Variants in ABI3BP observed in about 807,000 individuals in gnomAD.
The protein encoded by ABI3BP is ABI family member 3 binding protein, also known as target of Nesh-SH3.
In ABI3BP, 216 loss-of-function variants were observed where a neutral mutation model predicts 268.6. The ratio of observed to expected loss-of-function variants is 0.80; its 90% CI spans 0.72 to 0.90. The LOEUF (loss-of-function observed/expected upper bound fraction) is 0.90. Ranked by LOEUF, ABI3BP falls within the 40% of genes least tolerant of loss-of-function variation. ABI3BP has a pLI of 0.00. For missense variants in ABI3BP, 2,090 were observed against 2,182.4 expected (o/e 0.96, Z 0.84); for synonymous variants, 730 against 730.0 (o/e 1.00, Z 0.00).
rs139811323 is a variant in ABI3BP, at chr3:100,827,063, C to T, written c.2603-1219G>A. ...TGCAAATTGTGATGTGACTTCAAGA[C>T]CCAAATTCTTTCCTGGCTCTGTTGA... On this transcript the variant is annotated intron_variant, in intron 34 of 67. Coordinates refer to ENST00000471714, the MANE Select transcript of ABI3BP (RefSeq NM_001375547.2). Among the ~76,000 whole-genome samples, 646 of 152,216 alleles carry T rather than the reference C, an allele frequency of 4.2e-3. 6 individuals are homozygous for T. Among genetic ancestry groups the T allele is most frequent in the Non-Finnish European group, 6.5e-3 (442 of 68,006 alleles).
In ABI3BP at chr3:100,749,511, A is replaced by C; in HGVS notation, c.*984T>G. On this transcript the variant is annotated 3_prime_UTR_variant, in exon 68 of 68. Transcript: ENST00000471714. ...CCCGCCTAAAGGACAATACCTTTTT[A>C]ATAGAAATAAATGAGTTAGTTAGTT... is the stretch of plus-strand genomic sequence containing the variant. 1 of 395,690 alleles carries C rather than the reference A, an allele frequency of 2.5e-6. No individual in the cohort carries two copies. Among genetic ancestry groups the C allele is most frequent in the Non-Finnish European group, 4.4e-6 (1 of 224,766 alleles). The allele number at this position is 395,690 out of a possible 1,614,324, so 24.5% of individuals were successfully genotyped here.
At position 100,911,339 on chromosome 3, in the gene ABI3BP, A is replaced by T. The variant is rs539613779; in HGVS notation, c.260-8653T>A. On this transcript the variant is annotated intron_variant, in intron 2 of 67. Coordinates refer to ENST00000471714, the MANE Select transcript of ABI3BP (RefSeq NM_001375547.2). ...AATTCAGAATCTGGATAAAAGGTCCATAATGCTTGACCAGGAAAAATGTTC... is the reference window on the plus strand; with the variant it reads ...AATTCAGAATCTGGATAAAAGGTCCTTAATGCTTGACCAGGAAAAATGTTC... The T allele has an allele frequency of 3.6e-5, 10 of 276,914 alleles. No individual in the cohort carries two copies. The South Asian group carries it at 5.9e-4, about 16-fold the overall frequency. 17.2% of individuals were successfully genotyped at this position (276,914 alleles called of 1,614,324 possible).
chr3:100,832,369 G>C lies in ABI3BP; in HGVS notation c.2315-19C>G, dbSNP rs2098507805. 1 of 1,533,222 alleles carries C rather than the reference G, an allele frequency of 6.5e-7. No individual in the cohort carries two copies. Among genetic ancestry groups the C allele is most frequent in the Non-Finnish European group, 8.7e-7 (1 of 1,144,748 alleles). The allele number at this position is 1,533,222 out of a possible 1,614,324, so 95.0% of individuals were successfully genotyped here. ...GTTGGAGCTGAAGGAAGAAAATTTA[G>C]GATTAATATGGTGCTGATGGCTCCA... On this transcript the variant is annotated intron_variant, in intron 30 of 67. Coordinates refer to ENST00000471714, the MANE Select transcript of ABI3BP (RefSeq NM_001375547.2).
At chr3:100,799,130 C>T (rs2097445899) in intron 51 of ABI3BP, among the ~76,000 whole-genome samples, 1 of 152,172 alleles carries the variant, frequency 6.6e-6, no homozygotes, top group African/African-American at 2.4e-5. Flanking sequence ...TAAAAAAAAT[C>T]ATTTCCTTGA....
chr3:100,822,401 TCACAGTTGCTC>T (rs1342221427), intron 38 of ABI3BP, among the ~76,000 whole-genome samples, 177 bp downstream of exon 38: 1 of 152,210 alleles, frequency 6.6e-6, no homozygotes, highest in Non-Finnish European at 1.5e-5. Context: ...CATGAGGCAT[TCACAGTTGCTC>T]CACAGATCTC....
chr3:100,785,543 A>T (rs1239584759), intron 57 of ABI3BP, among the ~76,000 whole-genome samples: 3 of 152,210 alleles, frequency 2.0e-5, no homozygotes, highest in Non-Finnish European at 4.4e-5. Context: ...TGTTATCTAT[A>T]ATTTCTGAAT....
chr3:100,852,687 T>C (rs1378599836), intron 14 of ABI3BP, among the ~76,000 whole-genome samples: 1 of 152,208 alleles, frequency 6.6e-6, no homozygotes, highest in Non-Finnish European at 1.5e-5. Flanking sequence ...ACATGTTACC[T>C]AGAGGCAGCT....
chr3:100,951,062 A>T (rs2074769738), intron 1 of ABI3BP, among the ~76,000 whole-genome samples: 1 of 151,930 alleles, frequency 6.6e-6, no homozygotes, highest in Admixed American at 6.6e-5. Context: ...TATTTCCCAC[A>T]CCAGCATTAG....
intron 1 of ABI3BP, among the ~76,000 whole-genome samples, chr3:100,987,708 T>C (rs9853097): frequency 0.19 from 28,634 of 152,126 alleles, 2,804 homozygotes; most frequent in East Asian, 0.37. Flanking sequence ...TATGCAGCAA[T>C]AGATAGCTAA....
chr3:100,857,300 A>G (rs1238421619), intron 14 of ABI3BP, among the ~76,000 whole-genome samples: 1 of 152,196 alleles, frequency 6.6e-6, no homozygotes, highest in Non-Finnish European at 1.5e-5. Flanking sequence ...GCAAGATTTC[A>G]TTGTATTAAG....
In ABI3BP at chr3:100,811,230, C is replaced by A. The variant is rs2097854731; in HGVS notation, c.3541G>T (p.Glu1181Ter). ...AGGGTTGGGCTACCGAGGTTATTAC[C>A]TAGTGTGGTCTCAGGTGGTTCAGAT... The part of the protein sequence containing the change: ...YVSEPPETTL[E>*]TSPLPSQSIT... The change falls in exon 48 of 68, where the codon GAA becomes TAA. Residue 1181 changes from glutamate (E) to a stop codon, truncating the protein, a stop_gained and splice_region_variant. Transcript: ENST00000471714. LOFTEE classifies it high-confidence loss of function. 1 of 1,533,404 alleles carries A rather than the reference C, an allele frequency of 6.5e-7. No homozygotes were observed. Among genetic ancestry groups the A allele is most frequent in the African/African-American group, 1.4e-5 (1 of 72,918 alleles). The allele number at this position is 1,533,404 out of a possible 1,614,324, so 95.0% of individuals were successfully genotyped here. A position where few individuals can be genotyped will look rare whatever the true frequency, so the allele number is the denominator to read the frequency against.
intron 4 of ABI3BP, among the ~76,000 whole-genome samples, chr3:100,896,596 C>A (rs1179228107): frequency 6.6e-6 from 1 of 152,172 alleles, no homozygotes; most frequent in African/African-American, 2.4e-5. Flanking sequence ...TGTAAGACTA[C>A]AAAATTTCCT....
intron 2 of ABI3BP, among the ~76,000 whole-genome samples, chr3:100,908,891 G>A (rs2054847910): frequency 6.6e-6 from 1 of 152,108 alleles, no homozygotes; most frequent in Non-Finnish European, 1.5e-5. Flanking sequence ...TTTCTTCACG[G>A]AATTGGAAAA....
At chr3:100,804,131 G>T (rs377007996) in intron 51 of ABI3BP, among the ~76,000 whole-genome samples, 4 of 152,070 alleles carry the variant, frequency 2.6e-5, no homozygotes, top group Non-Finnish European at 5.9e-5. Flanking sequence ...AGTTACCAGC[G>T]GCTTCCTAAG....
intron 29 of ABI3BP, among the ~76,000 whole-genome samples, chr3:100,834,315 G>A (rs2098542421): frequency 6.6e-6 from 1 of 152,066 alleles, no homozygotes; most frequent in Non-Finnish European, 1.5e-5. Context: ...TCTCACACAG[G>A]TAAGTCATTT....
chr3:100,954,658 G>C (rs1471497499), intron 1 of ABI3BP, among the ~76,000 whole-genome samples: 1 of 152,146 alleles, frequency 6.6e-6, no homozygotes, highest in East Asian at 1.9e-4. Flanking sequence ...GACCAACCTA[G>C]ATCCAAATAG....
chr3:100,815,076 G>T (rs1317070400), intron 44 of ABI3BP, among the ~76,000 whole-genome samples: 1 of 152,102 alleles, frequency 6.6e-6, no homozygotes, highest in Non-Finnish European at 1.5e-5. Context: ...AACTGAGAGG[G>T]TTTAGGGAGT....
chr3:100,819,067 G>A (rs1196481283), intron 40 of ABI3BP, among the ~76,000 whole-genome samples: 1 of 152,126 alleles, frequency 6.6e-6, no homozygotes, highest in Non-Finnish European at 1.5e-5. Context: ...TCAGGATAAG[G>A]GACAAACATG....
At chr3:100,900,457 G>C (rs1422658972) in intron 3 of ABI3BP, among the ~76,000 whole-genome samples, 1 of 152,168 alleles carries the variant, frequency 6.6e-6, no homozygotes, top group Non-Finnish European at 1.5e-5. Flanking sequence ...CTCAAGTCCT[G>C]GGTCTCCTCA....
Sources: gnomAD v4.1 joint callset for allele counts (sites outside exome capture counted in the v4.1 genomes callset) on GRCh38, gnomAD v4.1.1 for gene constraint, MANE v1.5 for transcripts, NCBI Gene and HGNC (gene_info 2026-07-23, HGNC 2026-07-21) for gene names.